KCTD8: variants seen among roughly 807,000 people sequenced by gnomAD.
The protein encoded by KCTD8 is BTB/POZ domain-containing protein KCTD8.
In KCTD8, 27 loss-of-function variants were observed where a neutral mutation model predicts 31.5. The observed-to-expected ratio is 0.86, with a 90% confidence interval of 0.63 to 1.18. The LOEUF (loss-of-function observed/expected upper bound fraction) is 1.18, where lower values mean the gene tolerates loss of function less well. KCTD8 is among the 50% of genes most tolerant of loss of function. The pLI, the probability that KCTD8 is intolerant of heterozygous loss-of-function variation, is 0.00. For missense variants in KCTD8, 658 were observed against 647.7 expected, an observed-to-expected ratio of 1.02 and a Z score of -0.17; for synonymous variants, 290 against 280.0, an observed-to-expected ratio of 1.04 and a Z score of -0.36.
At chr4:44,385,184 C>T (rs1720177429) in intron 1 of KCTD8, among the ~76,000 whole-genome samples, 1 of 151,336 alleles carries the variant, frequency 6.6e-6, no homozygotes. Flanking sequence ...CTTTCAAAAC[C>T]CCAATGACAT....
intron 1 of KCTD8, among the ~76,000 whole-genome samples, chr4:44,385,733 G>C (rs1483261554): frequency 6.6e-6 from 1 of 151,506 alleles, no homozygotes; most frequent in Non-Finnish European, 1.5e-5. Flanking sequence ...TTCTTTCTGT[G>C]TATCACATGA....
intron 1 of KCTD8, among the ~76,000 whole-genome samples, chr4:44,400,501 G>A (rs1343816518): frequency 1.3e-5 from 2 of 151,946 alleles, no homozygotes; most frequent in African/African-American, 4.8e-5. Flanking sequence ...GGCCGTGGTG[G>A]GTGGATCACC....
At chr4:44,216,916 G>C (rs1714666782) in intron 1 of KCTD8, among the ~76,000 whole-genome samples, 2 of 152,086 alleles carry the variant, frequency 1.3e-5, no homozygotes, top group African/African-American at 2.4e-5. Flanking sequence ...CAAAGGAGAT[G>C]CATCTTTCTT....
chr4:44,398,711 T>C (rs909907247), intron 1 of KCTD8, among the ~76,000 whole-genome samples: 1 of 152,194 alleles, frequency 6.6e-6, no homozygotes, highest in East Asian at 1.9e-4. Flanking sequence ...GCAAGGCTGC[T>C]GTGTGGAGGG....
intron 1 of KCTD8, among the ~76,000 whole-genome samples, chr4:44,251,244 T>C (rs1715823121): frequency 6.6e-6 from 1 of 151,688 alleles, no homozygotes; most frequent in Non-Finnish European, 1.5e-5. Context: ...TAGTAAGTCT[T>C]ACCAGTTAGT....
rs35250421 is a variant in KCTD8, at chr4:44,320,170, C to CAAAAAAA, written c.961+127386_961+127392dup. Among the ~76,000 whole-genome samples the CAAAAAAA allele has an allele frequency of 1.6e-3, 51 of 31,912 alleles. 7 individuals are homozygous for CAAAAAAA. Among genetic ancestry groups the CAAAAAAA allele is most frequent in the Admixed American group, 4.0e-3 (9 of 2,236 alleles). 20.9% of individuals were successfully genotyped at this position (31,912 alleles called of 152,430 possible). A position where few individuals can be genotyped will look rare whatever the true frequency, so the allele number is the denominator to read the frequency against. On this transcript the variant is annotated intron_variant, in intron 1 of 1. Transcript: ENST00000360029. ...TGGGTGACAGAGCAAGCCTCCATCT[C>CAAAAAAA]AAAAAAAAAAAAAAAAAAAAAAAAA...
At chr4:44,374,453 T>A (rs924246019) in intron 1 of KCTD8, among the ~76,000 whole-genome samples, 2 of 152,200 alleles carry the variant, frequency 1.3e-5, no homozygotes, top group African/African-American at 4.8e-5. Context: ...CTAATAAGGT[T>A]GTTACACTTT....
intron 1 of KCTD8, among the ~76,000 whole-genome samples, chr4:44,409,258 G>A (rs570073374): frequency 1.3e-5 from 2 of 151,752 alleles, no homozygotes; most frequent in African/African-American, 4.8e-5. Context: ...GGGAAGAAAG[G>A]AGGAAGGAAG....
chr4:44,270,555 A>C (rs1257282637), intron 1 of KCTD8, among the ~76,000 whole-genome samples: 1 of 151,998 alleles, frequency 6.6e-6, no homozygotes, highest in Non-Finnish European at 1.5e-5. Context: ...AATAATAAAA[A>C]AAAGAAGGTG....
chr4:44,331,309 A>C (rs990497428), intron 1 of KCTD8, among the ~76,000 whole-genome samples: 3 of 151,918 alleles, frequency 2.0e-5, no homozygotes, highest in Non-Finnish European at 4.4e-5. Context: ...TATTAATCAC[A>C]GGCAGGCATA....
intron 1 of KCTD8, among the ~76,000 whole-genome samples, chr4:44,218,655 A>C (rs569867819): frequency 6.6e-6 from 1 of 151,390 alleles, no homozygotes; most frequent in South Asian, 2.1e-4. Flanking sequence ...AAAAATTAAA[A>C]ATGTGGCGTT....
intron 1 of KCTD8, among the ~76,000 whole-genome samples, chr4:44,342,929 T>G (rs1271769261): frequency 6.6e-6 from 1 of 152,224 alleles, no homozygotes; most frequent in Non-Finnish European, 1.5e-5. Context: ...AATAAGGGCC[T>G]TGCTCTGGAT....
At chr4:44,398,406 A>T (rs902390996) in intron 1 of KCTD8, among the ~76,000 whole-genome samples, 1 of 152,214 alleles carries the variant, frequency 6.6e-6, no homozygotes, top group Non-Finnish European at 1.5e-5. Context: ...GCAAAACTGA[A>T]GCATAAACAC....
chr4:44,410,519 G>T (rs2109463424), intron 1 of KCTD8, among the ~76,000 whole-genome samples: 1 of 152,230 alleles, frequency 6.6e-6, no homozygotes, highest in South Asian at 2.1e-4. Flanking sequence ...AAAGGGACGA[G>T]GTTATGGGTA....
rs1713159047 is a variant in KCTD8, at chr4:44,174,926, T to A, written c.1286A>T (p.Lys429Ile). 6.2e-7 allele frequency: 1 copy of A among 1,614,052 alleles called. No homozygotes were observed. Among genetic ancestry groups the A allele is most frequent in the South Asian group, 1.1e-5 (1 of 91,078 alleles). ...TTCCACACTTAGCTTCTCACAGACT[T>A]TCTTTTTGGACAGATTTGTTTCCCG... ...KSRETNLSKK[K>I]VCEKLSVEEE... The change falls in exon 2 of 2, where the codon AAA becomes ATA. Residue 429 changes from lysine (K) to isoleucine (I), a missense_variant. Coordinates refer to ENST00000360029, the MANE Select transcript of KCTD8 (RefSeq NM_198353.3).
intron 1 of KCTD8, among the ~76,000 whole-genome samples, chr4:44,268,204 T>G (rs1357133522): frequency 1.1e-4 from 16 of 151,792 alleles, no homozygotes; most frequent in African/African-American, 3.6e-4. Context: ...CATAATCAAG[T>G]GGGCTTCATC....
chr4:44,272,428 T>C (rs537759170), intron 1 of KCTD8, among the ~76,000 whole-genome samples: 1 of 152,140 alleles, frequency 6.6e-6, no homozygotes, highest in Non-Finnish European at 1.5e-5. Flanking sequence ...TAATATACAA[T>C]AAAATTCATT....
At chr4:44,271,289 A>G (rs1716591327) in intron 1 of KCTD8, among the ~76,000 whole-genome samples, 1 of 152,178 alleles carries the variant, frequency 6.6e-6, no homozygotes, top group African/African-American at 2.4e-5. Flanking sequence ...TAGAAGGTAT[A>G]TTCACCCTAA....
rs556176526 is a variant in KCTD8 at position 44,313,263 on chromosome 4, C to T, written c.961+134300G>A. Among the ~76,000 whole-genome samples, 153 of 152,226 alleles carry T rather than the reference C, an allele frequency of 1.0e-3. 2 individuals carry two copies. Among genetic ancestry groups the T allele is most frequent in the African/African-American group, 3.5e-3 (146 of 41,546 alleles). On this transcript the variant is annotated intron_variant, in intron 1 of 1. Coordinates refer to ENST00000360029, the MANE Select transcript of KCTD8 (RefSeq NM_198353.3). ...TCAGTGGCATCAAATGCAGGGTGAG[C>T]GCCACTACCTACTTAAAGCATTTAA...
Sources: gnomAD v4.1 joint callset for allele counts (sites outside exome capture counted in the v4.1 genomes callset) on GRCh38, gnomAD v4.1.1 for gene constraint, MANE v1.5 for transcripts, NCBI Gene and HGNC (gene_info 2026-07-23, HGNC 2026-07-21) for gene names.